The following LRRC20 variants were observed in gnomAD, a reference collection of about 807,000 sequenced individuals.
The protein encoded by LRRC20 is leucine-rich repeat-containing protein 20.
Under a neutral mutation model 14.4 loss-of-function variants are expected in LRRC20, and 11 were observed. The observed-to-expected ratio is 0.77, with a 90% CI of 0.48 to 1.27. The LOEUF is 1.27. Among genes scored for constraint, LRRC20 ranks in the 50% most tolerant of loss-of-function variants. The pLI is 0.00. For synonymous variants in LRRC20, 121 were observed against 107.3 expected, an observed-to-expected ratio of 1.13 and a Z score of -0.79; for missense variants, 219 against 251.2, an observed-to-expected ratio of 0.87 and a Z score of 0.87.
At chr10:70,329,292 C>A (rs1054640239) in intron 3 of LRRC20, among the ~76,000 whole-genome samples, 1 of 152,154 alleles carries the variant, frequency 6.6e-6, no homozygotes, top group African/African-American at 2.4e-5. Context: ...AAAACCAGTT[C>A]GGCAAAAAGC....
intron 2 of LRRC20, among the ~76,000 whole-genome samples, chr10:70,352,884 ACT>A (rs1843366715): frequency 6.6e-6 from 1 of 152,056 alleles, no homozygotes; most frequent in Non-Finnish European, 1.5e-5. Flanking sequence ...CGAAACGGAA[ACT>A]CTTTACTTGT....
chr10:70,325,806 T>G (rs1434735930), intron 3 of LRRC20, among the ~76,000 whole-genome samples: 2 of 152,168 alleles, frequency 1.3e-5, no homozygotes, highest in Non-Finnish European at 2.9e-5. Flanking sequence ...CTGTCCTTCC[T>G]CCCTTCTGCC....
intron 2 of LRRC20, among the ~76,000 whole-genome samples, chr10:70,345,268 G>A (rs2137037111): frequency 6.6e-6 from 1 of 152,136 alleles, no homozygotes; most frequent in East Asian, 1.9e-4. Context: ...ACTGATGTCA[G>A]AATAACCCCT....
At chr10:70,351,837 C>A (rs1843324142) in intron 2 of LRRC20, among the ~76,000 whole-genome samples, 1 of 152,120 alleles carries the variant, frequency 6.6e-6, no homozygotes, top group African/African-American at 2.4e-5. Context: ...TCTTGGTCAA[C>A]TTTACAGTTT....
At chr10:70,357,125 T>A (rs1056884263) in intron 2 of LRRC20, among the ~76,000 whole-genome samples, 1 of 152,178 alleles carries the variant, frequency 6.6e-6, no homozygotes, top group Non-Finnish European at 1.5e-5. Flanking sequence ...GTTGCATGAT[T>A]CCATTTACAT....
intron 4 of LRRC20, among the ~76,000 whole-genome samples, chr10:70,317,829 CCTGGCAAG>C (rs1228664331): frequency 1.3e-5 from 2 of 152,180 alleles, no homozygotes; most frequent in Admixed American, 1.3e-4. Flanking sequence ...AGGCACCCTC[CCTGGCAAG>C]CTGGGAGGTC....
intron 3 of LRRC20, among the ~76,000 whole-genome samples, chr10:70,337,796 CA>C (rs1842768718): frequency 6.6e-6 from 1 of 152,162 alleles, no homozygotes; most frequent in African/African-American, 2.4e-5. Flanking sequence ...CTGGTCTCCT[CA>C]GGGGGAGACC....
intron 2 of LRRC20, among the ~76,000 whole-genome samples, chr10:70,350,979 T>C (rs1338003071): frequency 6.6e-6 from 1 of 152,040 alleles, no homozygotes; most frequent in Non-Finnish European, 1.5e-5. Flanking sequence ...ACCAAGGAGT[T>C]TGAGACCAGC....
At chr10:70,308,370 C>T (rs1269165922) in intron 4 of LRRC20, among the ~76,000 whole-genome samples, 1 of 152,042 alleles carries the variant, frequency 6.6e-6, no homozygotes, top group Non-Finnish European at 1.5e-5. Context: ...GACTCTTGAC[C>T]ACAGAGAAGC....
At chr10:70,353,883 T>C (rs1457125399) in intron 2 of LRRC20, among the ~76,000 whole-genome samples, 2 of 152,112 alleles carry the variant, frequency 1.3e-5, no homozygotes, top group Non-Finnish European at 2.9e-5. Context: ...TTCCATGATT[T>C]ACAATGGGTT....
Position 70,361,009 on chromosome 10 carries a change from C to A in LRRC20, c.82+15443G>T, listed in dbSNP as rs1199124710. Among the ~76,000 whole-genome samples, 41 of 149,486 alleles carry A rather than the reference C, an allele frequency of 2.7e-4. 2 individuals are homozygous for A. The Admixed American group carries it at 2.8e-3, about 10-fold the overall frequency. On this transcript the variant is annotated intron_variant, in intron 2 of 4. Transcript: ENST00000446961. ...AGGCTGCAGTGAGCTATGATCATGC[C>A]ACTGCACCCGACTGGAAGACAGAGT...
At chr10:70,312,226 G>T (rs1032550009) in intron 4 of LRRC20, among the ~76,000 whole-genome samples, 1 of 152,180 alleles carries the variant, frequency 6.6e-6, no homozygotes, top group Non-Finnish European at 1.5e-5. Context: ...CTGGTGCCTG[G>T]ACACAAAAAC....
At chr10:70,304,495 TATATATATATA>T (rs1564607904) in intron 4 of LRRC20, among the ~76,000 whole-genome samples, 1,675 of 142,350 alleles carry the variant, frequency 0.012, 47 homozygotes, top group African/African-American at 0.041. Flanking sequence ...TATATATATA[TATATATATATA>T]TTTTACTAAG....
intron 4 of LRRC20, among the ~76,000 whole-genome samples, chr10:70,321,081 G>A (rs1033295612): frequency 6.6e-6 from 1 of 152,108 alleles, no homozygotes; most frequent in African/African-American, 2.4e-5. Flanking sequence ...AGAGCTGCCT[G>A]TTCTCCACTT....
intron 2 of LRRC20, among the ~76,000 whole-genome samples, chr10:70,343,833 A>T (rs1842993204): frequency 6.6e-6 from 1 of 152,114 alleles, no homozygotes; most frequent in Non-Finnish European, 1.5e-5. Flanking sequence ...GTAATGGAAG[A>T]AGCTTTCCCT....
At chr10:70,379,656 G>C (rs1287294803) in intron 1 of LRRC20, among the ~76,000 whole-genome samples, 1 of 152,234 alleles carries the variant, frequency 6.6e-6, no homozygotes, top group Non-Finnish European at 1.5e-5. Context: ...TCACAGCAGA[G>C]AGGGAAAGGA....
chr10:70,305,525 G>A (rs1016576911), intron 4 of LRRC20, among the ~76,000 whole-genome samples: 1 of 151,990 alleles, frequency 6.6e-6, no homozygotes, highest in Admixed American at 6.5e-5. Context: ...CATATAAATG[G>A]AACCACATAG....
At chr10:70,312,052 C>A (rs1270201995) in intron 4 of LRRC20, among the ~76,000 whole-genome samples, 1 of 152,116 alleles carries the variant, frequency 6.6e-6, no homozygotes, top group African/African-American at 2.4e-5. Context: ...AGTGTGGTGC[C>A]CACAGTGGGA....
Position 70,299,665 on chromosome 10 carries a change from A to C in LRRC20, c.*1689T>G, listed in dbSNP as rs1181700892. ...AAGGAGAAACCCCACTCCAGGGCAC[A>C]AGGCAGGTGGGGCCAGCGCAGCCTG... is the stretch of plus-strand genomic sequence containing the variant. On this transcript the variant is annotated 3_prime_UTR_variant, in exon 5 of 5. Transcript: ENST00000446961. 4 of 152,432 alleles carry C rather than the reference A, an allele frequency of 2.6e-5. No homozygotes were observed. Among genetic ancestry groups the C allele is most frequent in the African/African-American group, 9.7e-5 (4 of 41,444 alleles). The allele number at this position is 152,432 out of a possible 1,614,324, so 9.4% of individuals were successfully genotyped here.
Sources: allele counts gnomAD v4.1 joint callset (sites outside exome capture counted in the v4.1 genomes callset), GRCh38; gene constraint gnomAD v4.1.1; transcripts MANE v1.5; gene names NCBI Gene and HGNC (gene_info 2026-07-23, HGNC 2026-07-21).